Variants in MYT1L observed in about 807,000 individuals in gnomAD.
MYT1L encodes the protein myelin transcription factor 1 like, also known as myelin transcription factor 1-like protein.
A neutral mutation model predicts 126.7 loss-of-function variants in MYT1L; 12 were observed. The ratio of observed to expected loss-of-function variants is 0.09; its 90% CI spans 0.06 to 0.15. MYT1L has a LOEUF of 0.15. Among genes scored for constraint, MYT1L ranks in the 10% least tolerant of loss-of-function variants. The probability of loss-of-function intolerance (pLI) is 1.00; values close to 1 mark genes in which losing one functional copy is unlikely to be tolerated. For missense variants in MYT1L, 979 were observed against 1,585.2 expected (o/e 0.62, Z 6.49); for synonymous variants, 541 against 604.2 (o/e 0.90, Z 1.53).
chr2:2,055,409 A>C (rs935866877), intron 3 of MYT1L, among the ~76,000 whole-genome samples: 8 of 152,224 alleles, frequency 5.3e-5, no homozygotes, highest in Non-Finnish European at 1.2e-4. Context: ...ATAATTTAAA[A>C]TTTTTTATTT....
Position 1,856,395 on chromosome 2 carries a change from C to T in MYT1L, c.2712-4692G>A, listed in dbSNP as rs189654815. On this transcript the variant is annotated intron_variant, in intron 18 of 24. Transcript: ENST00000647738. ...TGTCGGCTAACATAAAAGAAGAGCT[C>T]GAAATCTAGGCATTAGAATACATCA... Among the ~76,000 whole-genome samples, 24 of 152,256 alleles carry T rather than the reference C, an allele frequency of 1.6e-4. No homozygotes were observed. In the East Asian group the frequency reaches 3.3e-3, roughly 21 times the overall value.
chr2:2,065,038 A>G (rs2071041854), intron 3 of MYT1L, among the ~76,000 whole-genome samples: 1 of 152,126 alleles, frequency 6.6e-6, no homozygotes, highest in Admixed American at 6.5e-5. Flanking sequence ...ATCTCTAGAA[A>G]AATAAAAATG....
Position 1,979,664 on chromosome 2 carries a change from T to C in MYT1L, c.55+59A>G. The C allele has an allele frequency of 6.2e-7, 1 of 1,610,102 alleles. No individual in the cohort carries two copies. The highest frequency in any genetic ancestry group is 8.5e-7 in the Non-Finnish European group (1 of 1,176,448). ...AAAGTGGGGTCAGAATCGACCTCAG[T>C]TCCGCAGGATGAAGGTGACCCTGAG... On this transcript the variant is annotated intron_variant, in intron 6 of 24. Coordinates refer to ENST00000647738, the MANE Select transcript of MYT1L (RefSeq NM_001303052.2). The surrounding 1 kb of genome is among the most constrained non-coding windows in gnomAD (Gnocchi z 4.0).
chr2:2,221,078 C>A (rs1486738740), intron 2 of MYT1L, among the ~76,000 whole-genome samples: 1 of 152,160 alleles, frequency 6.6e-6, no homozygotes, highest in African/African-American at 2.4e-5. Flanking sequence ...TTTTGGTAAG[C>A]TTCTTGCTGT....
intron 2 of MYT1L, among the ~76,000 whole-genome samples, chr2:2,274,251 T>C (rs1334486107): frequency 1.4e-5 from 2 of 146,126 alleles, no homozygotes; most frequent in East Asian, 4.1e-4. Flanking sequence ...TATATATAAC[T>C]CCAAAATATT....
At chr2:1,850,725 T>C (rs11678525) in intron 19 of MYT1L, among the ~76,000 whole-genome samples, 76,295 of 151,916 alleles carry the variant, frequency 0.5, 22,323 homozygotes, top group African/African-American at 0.82. Context: ...CATTTGGATA[T>C]CCTACCACCC....
intron 3 of MYT1L, among the ~76,000 whole-genome samples, chr2:2,129,122 G>A (rs1263010338): frequency 1.3e-5 from 2 of 152,136 alleles, no homozygotes; most frequent in East Asian, 1.9e-4. Flanking sequence ...GAAGACAGAC[G>A]CTAATCCACA....
rs113011004 is a variant in MYT1L, at chr2:2,007,206, T to C, written c.-157-9859A>G. Among the ~76,000 whole-genome samples the C allele has an allele frequency of 1.5e-3, 228 of 152,262 alleles. 1 individual carries two copies. Among genetic ancestry groups the C allele is most frequent in the Middle Eastern group, 3.4e-3 (1 of 294 alleles). ...CTCCTTTGGAATTTCCTCAGGAGGA[T>C]TGGTGGGTCACATGGTAGTTCTATT... On this transcript the variant is annotated intron_variant, in intron 4 of 24. Transcript: ENST00000647738.
intron 2 of MYT1L, among the ~76,000 whole-genome samples, chr2:2,226,126 G>A (rs2094002472): frequency 6.6e-6 from 1 of 152,086 alleles, no homozygotes; most frequent in Non-Finnish European, 1.5e-5. Context: ...GGCAATGCAG[G>A]AAGAGCCAGA....
At chr2:2,285,380 G>T (rs926307165) in intron 1 of MYT1L, among the ~76,000 whole-genome samples, 1 of 152,210 alleles carries the variant, frequency 6.6e-6, no homozygotes, top group Admixed American at 6.5e-5. Flanking sequence ...AGACCAGGAA[G>T]TTTCCCATAT....
intron 14 of MYT1L, among the ~76,000 whole-genome samples, chr2:1,901,119 A>G (rs1355468402): frequency 6.6e-6 from 1 of 152,130 alleles, no homozygotes; most frequent in East Asian, 1.9e-4. Flanking sequence ...TGCTCAGTGG[A>G]TTTGACTTCG....
intron 3 of MYT1L, among the ~76,000 whole-genome samples, chr2:2,090,510 G>A (rs946023778): frequency 6.6e-6 from 1 of 152,172 alleles, no homozygotes; most frequent in African/African-American, 2.4e-5. Context: ...TCTCTTTGCT[G>A]GTGGAGGGTT....
chr2:1,873,794 T>C (rs1323026632), intron 18 of MYT1L, among the ~76,000 whole-genome samples: 10 of 152,126 alleles, frequency 6.6e-5, no homozygotes, highest in Admixed American at 6.5e-4. Context: ...ACTCGACAAA[T>C]AGATCTTGAC....
chr2:2,233,490 G>T (rs369262947), intron 2 of MYT1L, among the ~76,000 whole-genome samples: 64 of 152,250 alleles, frequency 4.2e-4, no homozygotes, highest in African/African-American at 1.5e-3. Context: ...CTCCTGAGGG[G>T]TCTACACATC....
intron 3 of MYT1L, among the ~76,000 whole-genome samples, chr2:2,070,011 AT>A (rs2074399791): frequency 6.6e-6 from 1 of 151,918 alleles, no homozygotes; most frequent in Non-Finnish European, 1.5e-5. Flanking sequence ...ATCATTAGTC[AT>A]TAGAGAAAGG....
At chr2:2,061,369 C>G (rs1198390692) in intron 3 of MYT1L, among the ~76,000 whole-genome samples, 1 of 152,088 alleles carries the variant, frequency 6.6e-6, no homozygotes, top group Non-Finnish European at 1.5e-5. Flanking sequence ...AGCTAGAGTC[C>G]CATTTGGAGC....
At chr2:1,936,208 C>T (rs1028669816) in intron 9 of MYT1L, among the ~76,000 whole-genome samples, 2 of 152,220 alleles carry the variant, frequency 1.3e-5, no homozygotes, top group African/African-American at 2.4e-5. Flanking sequence ...CAGGCGTGAG[C>T]CACCACACCC....
At position 2,009,918 on chromosome 2, in the gene MYT1L, T is replaced by TTTTC. The variant is rs552518279; in HGVS notation, c.-157-12572_-157-12571insGAAA. Among the ~76,000 whole-genome samples the TTTTC allele has an allele frequency of 1.1e-3, 165 of 148,584 alleles. 1 individual carries two copies. Among genetic ancestry groups the TTTTC allele is most frequent in the African/African-American group, 2.5e-3 (101 of 40,130 alleles). On this transcript the variant is annotated intron_variant, in intron 4 of 24. Coordinates refer to ENST00000647738, the MANE Select transcript of MYT1L (RefSeq NM_001303052.2). ...TAAGAGTTTTTTTTTTTTTTTTTTTTCATGAAAGGGTGTTGAACTTTGTGA... is the reference window on the plus strand; with the variant it reads ...TAAGAGTTTTTTTTTTTTTTTTTTTTTTTCCATGAAAGGGTGTTGAACTTTGTGA...
At chr2:2,280,705 T>C (rs2095435278) in intron 2 of MYT1L, among the ~76,000 whole-genome samples, 1 of 152,126 alleles carries the variant, frequency 6.6e-6, no homozygotes, top group Non-Finnish European at 1.5e-5. Flanking sequence ...GCGTGCAGCA[T>C]TGCAGCAGGG....
Sources: gnomAD v4.1 joint callset for allele counts (sites outside exome capture counted in the v4.1 genomes callset) on GRCh38, gnomAD v4.1.1 for gene constraint, Gnocchi (gnomAD v3.1) non-coding constraint, MANE v1.5 for transcripts, NCBI Gene and HGNC (gene_info 2026-07-23, HGNC 2026-07-21) for gene names.